The following KHDRBS2 variants were observed in gnomAD, a reference collection of about 807,000 sequenced individuals.
KHDRBS2 encodes KH RNA binding domain containing, signal transduction associated 2.
In KHDRBS2, 26 loss-of-function variants were observed where a neutral mutation model predicts 44.3. The observed-to-expected ratio is 0.59, with a 90% CI of 0.43 to 0.81. The LOEUF is 0.81. KHDRBS2 is among the 40% of genes least tolerant of loss of function. KHDRBS2 has a pLI of 0.00. For missense variants in KHDRBS2, 476 were observed against 433.1 expected (o/e 1.10, Z -0.88); for synonymous variants, 194 against 151.1 (o/e 1.28, Z -2.08).
Position 62,245,872 on chromosome 6 carries a change from A to G in KHDRBS2, c.91+39986T>C, listed in dbSNP as rs539430667. 2.5e-3 allele frequency among the ~76,000 whole-genome samples: 381 copies of G among 151,818 alleles called. 3 individuals are homozygous for G. Among genetic ancestry groups the G allele is most frequent in the African/African-American group, 8.4e-3 (349 of 41,462 alleles). On this transcript the variant is annotated intron_variant, in intron 1 of 8. Transcript: ENST00000281156. ...GGGAATAGAGCAGTTTGCATTTGCC[A>G]TTCTATGTTTTCATATTGTATCTGC...
intron 2 of KHDRBS2, among the ~76,000 whole-genome samples, chr6:62,106,798 C>A (rs1225493944): frequency 1.3e-5 from 2 of 152,108 alleles, no homozygotes; most frequent in Non-Finnish European, 2.9e-5. Context: ...ATACACAAAT[C>A]AATAAATGTA....
At chr6:61,916,078 T>C (rs760217333) in intron 4 of KHDRBS2, among the ~76,000 whole-genome samples, 4 of 152,024 alleles carry the variant, frequency 2.6e-5, no homozygotes, top group Non-Finnish European at 5.9e-5. Context: ...TTTCCACAGG[T>C]TTCCGAAACA....
intron 2 of KHDRBS2, among the ~76,000 whole-genome samples, chr6:62,110,481 T>G (rs537444330): frequency 6.6e-6 from 1 of 152,032 alleles, no homozygotes; most frequent in South Asian, 2.1e-4. Context: ...ACCTGTAATA[T>G]AGCCATACAA....
intron 6 of KHDRBS2, among the ~76,000 whole-genome samples, chr6:61,738,733 T>C (rs1281531676): frequency 6.6e-6 from 1 of 151,974 alleles, no homozygotes; most frequent in African/African-American, 2.4e-5. Flanking sequence ...AAATGCATTT[T>C]TTGTCTTTAA....
intron 6 of KHDRBS2, among the ~76,000 whole-genome samples, chr6:61,796,565 A>C (rs952796640): frequency 2.6e-5 from 4 of 152,076 alleles, no homozygotes; most frequent in African/African-American, 9.7e-5. Context: ...ACTATTAGTA[A>C]ATGATTTTAT....
At chr6:61,635,353 G>A in the KHDRBS2 span, among the ~76,000 whole-genome samples, 1 of 151,938 alleles carries the variant, frequency 6.6e-6, no homozygotes, top group African/African-American at 2.4e-5. Flanking sequence ...TGACTGGTCT[G>A]TCTCTGTCAG....
At chr6:62,199,594 C>T (rs556055658) in intron 1 of KHDRBS2, among the ~76,000 whole-genome samples, 1 of 152,268 alleles carries the variant, frequency 6.6e-6, no homozygotes, top group African/African-American at 2.4e-5. Flanking sequence ...AGGATATAAA[C>T]AAATGGAAGA....
intron 6 of KHDRBS2, among the ~76,000 whole-genome samples, chr6:61,890,155 T>C (rs1402373208): frequency 6.6e-6 from 1 of 152,220 alleles, no homozygotes; most frequent in Non-Finnish European, 1.5e-5. Context: ...TTTGATTTGT[T>C]CACAGATATG....
At chr6:61,627,910 G>A in the KHDRBS2 span, among the ~76,000 whole-genome samples, 30 of 152,120 alleles carry the variant, frequency 2.0e-4, no homozygotes, top group African/African-American at 6.5e-4. Flanking sequence ...AAACATAGCC[G>A]GTTGGTCCCA....
rs192635235 is a variant in KHDRBS2, at chr6:61,928,942, A to G, written c.484-27571T>C. 4.4e-3 allele frequency among the ~76,000 whole-genome samples: 676 copies of G among 152,222 alleles called. 8 individuals carry two copies. The highest frequency in any genetic ancestry group is 0.015 in the African/African-American group (635 of 41,556). On this transcript the variant is annotated intron_variant, in intron 4 of 8. Coordinates refer to ENST00000281156, the MANE Select transcript of KHDRBS2 (RefSeq NM_152688.4). ...ATTGTTATCATTATTTTTTAAGACT[A>G]GTGGAAGCTCTTTGGTAGTGAAATT...
chr6:61,977,914 A>T (rs1773029897), intron 4 of KHDRBS2, 152 bp downstream of exon 4: 1 of 612,322 alleles, frequency 1.6e-6, no homozygotes, highest in Non-Finnish European at 2.7e-6. Flanking sequence ...TGGTTTTGGT[A>T]TCCTATTTTA....
the KHDRBS2 span, among the ~76,000 whole-genome samples, chr6:61,660,038 A>T: frequency 1.3e-5 from 2 of 151,882 alleles, no homozygotes; most frequent in South Asian, 4.1e-4. Context: ...ATTATTATTT[A>T]TAGATAAAAC....
chr6:61,759,714 C>A (rs1779001335), intron 6 of KHDRBS2, among the ~76,000 whole-genome samples: 1 of 152,090 alleles, frequency 6.6e-6, no homozygotes, highest in Non-Finnish European at 1.5e-5. Flanking sequence ...CTTGTTAGCA[C>A]GATTCAGCCT....
chr6:62,105,535 T>C (rs557798046), intron 2 of KHDRBS2, among the ~76,000 whole-genome samples: 37 of 152,296 alleles, frequency 2.4e-4, no homozygotes, highest in Admixed American at 1.2e-3. Context: ...AATTTATCCA[T>C]TTCTTCTAGA....
At chr6:62,281,876 G>T (rs1841858576) in intron 1 of KHDRBS2, among the ~76,000 whole-genome samples, 1 of 152,114 alleles carries the variant, frequency 6.6e-6, no homozygotes, top group South Asian at 2.1e-4. Context: ...TGTCAAAGTA[G>T]AAATTTTCCA....
At chr6:61,687,604 T>C (rs1215830337) in intron 8 of KHDRBS2, among the ~76,000 whole-genome samples, 1 of 151,930 alleles carries the variant, frequency 6.6e-6, no homozygotes, top group Non-Finnish European at 1.5e-5. Context: ...GAAAGATTCC[T>C]TTCTGCAATC....
At chr6:61,613,342 G>A in the KHDRBS2 span, among the ~76,000 whole-genome samples, 200 of 152,210 alleles carry the variant, frequency 1.3e-3, no homozygotes, top group Non-Finnish European at 2.2e-3. Context: ...GAATGTCTAC[G>A]TGTAATACAT....
rs1316130075 is a variant in KHDRBS2, at chr6:61,848,500, T to C, written c.810+46135A>G. Among the ~76,000 whole-genome samples the C allele has an allele frequency of 8.1e-3, 449 of 55,288 alleles. 13 individuals carry two copies. Among genetic ancestry groups the C allele is most frequent in the South Asian group, 0.033 (49 of 1,504 alleles). The allele number at this position is 55,288 out of a possible 152,430, so 36.3% of individuals were successfully genotyped here. On this transcript the variant is annotated intron_variant, in intron 6 of 8. Coordinates refer to ENST00000281156, the MANE Select transcript of KHDRBS2 (RefSeq NM_152688.4). ...ATATATATATATATATGTATATATA[T>C]ATATATATATGTATATATGTATATA...
chr6:61,701,296 G>A (rs1561989193), intron 7 of KHDRBS2, among the ~76,000 whole-genome samples: 2 of 151,922 alleles, frequency 1.3e-5, no homozygotes. Context: ...ACTAAGAGTG[G>A]CTTTTTCTGA....
Sources: gnomAD v4.1 joint callset for allele counts (sites outside exome capture counted in the v4.1 genomes callset) on GRCh38, gnomAD v4.1.1 for gene constraint, MANE v1.5 for transcripts, NCBI Gene and HGNC (gene_info 2026-07-23, HGNC 2026-07-21) for gene names.